The following CHD7 variants were observed in gnomAD, a reference collection of about 807,000 sequenced individuals.
CHD7 encodes ATP-dependent chromatin remodeler CHD7.
Under a neutral mutation model 307.3 loss-of-function variants are expected in CHD7, and 24 were observed. The ratio of observed to expected loss-of-function variants is 0.08; its 90% confidence interval spans 0.06 to 0.11. The LOEUF (loss-of-function observed/expected upper bound fraction) is 0.11. Among genes scored for constraint, CHD7 ranks in the 10% least tolerant of loss-of-function variants. CHD7 has a pLI of 1.00. For synonymous variants in CHD7, 1,363 were observed against 1,349.9 expected (o/e 1.01, Z -0.21); for missense variants, 3,106 against 3,727.1 (o/e 0.83, Z 4.34).
chr8:60,821,733 T>C (rs1190988048), intron 9 of CHD7, 57 bp from the exon 10 acceptor site: 28 of 1,443,074 alleles, frequency 1.9e-5, no homozygotes. Flanking sequence ...CATATATATG[T>C]ATATGTATGT....
chr8:60,681,138 G>C (rs891329898), intron 1 of CHD7, among the ~76,000 whole-genome samples: 1 of 152,084 alleles, frequency 6.6e-6, no homozygotes, highest in African/African-American at 2.4e-5. Flanking sequence ...CTTGTCTGAC[G>C]ATGACAAAAA....
chr8:60,826,759 C>T (rs963709335), intron 13 of CHD7, among the ~76,000 whole-genome samples: 1 of 152,184 alleles, frequency 6.6e-6, no homozygotes, highest in African/African-American at 2.4e-5. Flanking sequence ...CCCCCATCCA[C>T]GAGGAGGGGA....
intron 1 of CHD7, among the ~76,000 whole-genome samples, chr8:60,734,039 T>G (rs1453419751): frequency 6.6e-6 from 1 of 152,260 alleles, no homozygotes; most frequent in East Asian, 1.9e-4. Context: ...CTGTTCATAA[T>G]TCTTTGAATG....
chr8:60,833,289 A>G (rs920171408), intron 15 of CHD7, among the ~76,000 whole-genome samples: 1 of 152,254 alleles, frequency 6.6e-6, no homozygotes, highest in Admixed American at 6.5e-5. Context: ...ATGAGTTATT[A>G]GCTCAAGCTT....
intron 1 of CHD7, among the ~76,000 whole-genome samples, chr8:60,714,135 C>T (rs985159168): frequency 6.6e-6 from 1 of 151,940 alleles, no homozygotes. Flanking sequence ...GATGGGTCAG[C>T]GCCCGGAGCC....
chr8:60,787,016 G>A (rs1351213717), intron 3 of CHD7, among the ~76,000 whole-genome samples: 3 of 152,064 alleles, frequency 2.0e-5, no homozygotes, highest in African/African-American at 7.3e-5. Context: ...AATGGAGAGT[G>A]CAAATCAAGA....
In CHD7 at chr8:60,787,605, A is replaced by T. The variant is rs557586662; in HGVS notation, c.2096+6175A>T. ...ACAACACCCTTAAACTTCCATTAGA[A>T]TACTAATTTTTATTTGTAGCCCTGA... On this transcript the variant is annotated intron_variant, in intron 3 of 37. Transcript: ENST00000423902. Among the ~76,000 whole-genome samples the T allele has an allele frequency of 4.6e-5, 7 of 152,280 alleles. No individual in the cohort carries two copies. In the East Asian group the frequency reaches 1.4e-3, roughly 29 times the overall value.
chr8:60,700,580 T>G (rs1163063879), intron 1 of CHD7, among the ~76,000 whole-genome samples: 2 of 152,236 alleles, frequency 1.3e-5, no homozygotes, highest in Non-Finnish European at 2.9e-5. Flanking sequence ...ACGTTGCTCA[T>G]TTTAGGCAGC....
intron 2 of CHD7, among the ~76,000 whole-genome samples, 184 bp from the exon 3 acceptor site, chr8:60,780,816 T>G (rs1400035879): frequency 6.6e-6 from 1 of 152,242 alleles, no homozygotes; most frequent in Admixed American, 6.5e-5. Flanking sequence ...CTTAAAAGAT[T>G]CTCTCTTAAA....
In CHD7 at chr8:60,842,188, A is replaced by G. The variant is rs1586427289; in HGVS notation, c.4850+136A>G. On this transcript the variant is annotated intron_variant, in intron 21 of 37. Transcript: ENST00000423902. ...ACAGTCAAATGAATGCTTCTGCAGT[A>G]ACTTTACAGGGCTTTGAAGCCATTT... The G allele has an allele frequency of 9.7e-6, 7 of 722,886 alleles. No homozygotes were observed. In the East Asian group the frequency reaches 1.9e-4, roughly 20 times the overall value. The allele number at this position is 722,886 out of a possible 1,614,324, so 44.8% of individuals were successfully genotyped here.
intron 3 of CHD7, among the ~76,000 whole-genome samples, chr8:60,787,385 G>A (rs1811541311): frequency 1.3e-5 from 2 of 152,144 alleles, no homozygotes; most frequent in Admixed American, 6.5e-5. Flanking sequence ...AATAAGAGCG[G>A]CATCTTAAAA....
At chr8:60,845,510 G>T in intron 23 of CHD7, 101 bp downstream of exon 23, 1 of 1,317,566 alleles carries the variant, frequency 7.6e-7, no homozygotes, top group Non-Finnish European at 1.0e-6. Flanking sequence ...AGAACTCGCA[G>T]ATTTGGAGGG....
intron 19 of CHD7, among the ~76,000 whole-genome samples, chr8:60,839,123 T>A (rs1804861636): frequency 6.6e-6 from 1 of 152,196 alleles, no homozygotes; most frequent in African/African-American, 2.4e-5. Flanking sequence ...AAAGCATGAA[T>A]CTACTTTCTT....
intron 8 of CHD7, among the ~76,000 whole-genome samples, chr8:60,816,794 G>C (rs1463551639): frequency 1.3e-5 from 2 of 152,182 alleles, no homozygotes; most frequent in Admixed American, 6.5e-5. Context: ...TAAGTAAGTG[G>C]ACAGAAGTTC....
chr8:60,850,442 G>T, intron 25 of CHD7, 51 bp from the exon 26 acceptor site: 1 of 1,568,284 alleles, frequency 6.4e-7, no homozygotes, highest in Non-Finnish European at 8.7e-7. Flanking sequence ...CCAGTGATGG[G>T]GCCTTTCTTT....
chr8:60,687,838 G>A (rs948301578), intron 1 of CHD7, among the ~76,000 whole-genome samples: 1 of 152,204 alleles, frequency 6.6e-6, no homozygotes, highest in Non-Finnish European at 1.5e-5. Flanking sequence ...AGCACGTGGT[G>A]GAGGAGGAAT....
chr8:60,821,690 A>G, intron 9 of CHD7, 100 bp from the exon 10 acceptor site: 1 of 966,282 alleles, frequency 1.0e-6, no homozygotes, highest in South Asian at 2.1e-5. Flanking sequence ...ATATACACAC[A>G]TACATATCTA....
intron 34 of CHD7, 47 bp from the exon 35 acceptor site, chr8:60,860,857 G>A: frequency 2.2e-6 from 3 of 1,386,980 alleles, no homozygotes; most frequent in Non-Finnish European, 3.0e-6. Flanking sequence ...CATTGTCAGA[G>A]GCTCTCTCTT....
Position 60,800,275 on chromosome 8 carries a change from G to A in CHD7, c.2239-113G>A, listed in dbSNP as rs535989392. The A allele has an allele frequency of 7.4e-5, 71 of 954,516 alleles. 2 individuals carry two copies. In the South Asian group the frequency reaches 1.0e-3, roughly 13 times the overall value. The allele number at this position is 954,516 out of a possible 1,614,324, so 59.1% of individuals were successfully genotyped here. On this transcript the variant is annotated intron_variant, in intron 4 of 37. Transcript: ENST00000423902. Reference sequence around the variant, plus strand: ...TCTCGATCTCCTGACCTTGTGATCCGCCCGCCTCGGCCTCCCAAAGTGCTG... The same window carrying A: ...TCTCGATCTCCTGACCTTGTGATCCACCCGCCTCGGCCTCCCAAAGTGCTG...
Sources: gnomAD v4.1 joint callset for allele counts (sites outside exome capture counted in the v4.1 genomes callset) on GRCh38, gnomAD v4.1.1 for gene constraint, MANE v1.5 for transcripts, NCBI Gene and HGNC (gene_info 2026-07-23, HGNC 2026-07-21) for gene names.